The following CLEC4A variants were observed in gnomAD, a reference collection of about 807,000 sequenced individuals.
CLEC4A encodes the protein C-type (calcium dependent, carbohydrate-recognition domain) lectin, superfamily member 6.
In CLEC4A, 27 loss-of-function variants were observed where a neutral mutation model predicts 32.7. The ratio of observed to expected loss-of-function variants is 0.83; its 90% CI spans 0.61 to 1.14. The LOEUF (loss-of-function observed/expected upper bound fraction) is 1.14. Ranked by LOEUF, CLEC4A falls within the 50% of genes most tolerant of loss-of-function variation. The pLI, the probability that CLEC4A is intolerant of heterozygous loss-of-function variation, is 0.00. For missense variants in CLEC4A, 253 were observed against 274.6 expected (o/e 0.92, Z 0.55); for synonymous variants, 89 against 93.7 (o/e 0.95, Z 0.29).
the CLEC4A span, among the ~76,000 whole-genome samples, chr12:8,114,305 C>A: frequency 1.4e-4 from 21 of 147,918 alleles, no homozygotes; most frequent in Non-Finnish European, 2.0e-4. Flanking sequence ...AGTGCAGTGG[C>A]GTGATCTCGG....
the CLEC4A span, among the ~76,000 whole-genome samples, chr12:8,116,552 G>C: frequency 6.6e-6 from 1 of 152,188 alleles, no homozygotes; most frequent in Admixed American, 6.5e-5. Context: ...CAAGATGAGT[G>C]ATTTAAATCA....
At chr12:8,118,799 G>T (rs1947809019), upstream of CLEC4A, among the ~76,000 whole-genome samples, 1 of 152,180 alleles carries the variant, frequency 6.6e-6, no homozygotes. Context: ...CCAGTGTGAT[G>T]ATATTAAGAG....
At chr12:8,128,644 G>T (rs1350684762) in intron 2 of CLEC4A, among the ~76,000 whole-genome samples, 1 of 152,022 alleles carries the variant, frequency 6.6e-6, no homozygotes, top group African/African-American at 2.4e-5. Context: ...CTCCTGACCT[G>T]CCTCGACCTC....
At chr12:8,127,807 C>T (rs1195606869) in intron 2 of CLEC4A, among the ~76,000 whole-genome samples, 1 of 152,178 alleles carries the variant, frequency 6.6e-6, no homozygotes, top group Non-Finnish European at 1.5e-5. Context: ...TAAAGTATGG[C>T]TCCAATATTC....
At chr12:8,108,482 T>C in the CLEC4A span, among the ~76,000 whole-genome samples, 3 of 152,206 alleles carry the variant, frequency 2.0e-5, no homozygotes, top group Non-Finnish European at 4.4e-5. Context: ...GAAATACATA[T>C]GTGACTATAG....
At chr12:8,114,514 G>T in the CLEC4A span, among the ~76,000 whole-genome samples, 1 of 152,174 alleles carries the variant, frequency 6.6e-6, no homozygotes, top group African/African-American at 2.4e-5. Flanking sequence ...AAAGTGCTGG[G>T]ATTACAGGCG....
chr12:8,112,032 A>C, the CLEC4A span, among the ~76,000 whole-genome samples: 4 of 151,532 alleles, frequency 2.6e-5, no homozygotes, highest in Admixed American at 2.6e-4. Context: ...GCAATGGTGC[A>C]ATCTCTGCTC....
the CLEC4A span, among the ~76,000 whole-genome samples, chr12:8,104,265 C>T: frequency 6.6e-6 from 1 of 151,792 alleles, no homozygotes; most frequent in Non-Finnish European, 1.5e-5. Context: ...AATACTTGGT[C>T]TTACCTTGAA....
chr12:8,109,722 A>AT, the CLEC4A span, among the ~76,000 whole-genome samples: 2 of 152,134 alleles, frequency 1.3e-5, no homozygotes, highest in Non-Finnish European at 2.9e-5. Context: ...GTCTCTAAAA[A>AT]ATATATAAAG....
rs1038712714 is a variant in CLEC4A at position 8,128,600 on chromosome 12, G to A, written c.200-664G>A. ...TGATTTTTGTACTTTGAGTAGAGAC[G>A]AGGTTTCACCATCTTGGCCAGGCTA... On this transcript the variant is annotated intron_variant, in intron 2 of 5. Transcript: ENST00000229332. Among the ~76,000 whole-genome samples, 9 of 151,972 alleles carry A rather than the reference G, an allele frequency of 5.9e-5. No individual in the cohort carries two copies. The East Asian group carries it at 1.2e-3, about 20-fold the overall frequency.
the CLEC4A span, among the ~76,000 whole-genome samples, chr12:8,103,371 C>CTTTTTT: frequency 1.2e-4 from 6 of 49,028 alleles, 2 homozygotes; most frequent in East Asian, 8.3e-4. Context: ...TTGTTTCTTT[C>CTTTTTT]TGTTGTTTTT....
chr12:8,136,533 C>T (rs965415056), intron 4 of CLEC4A, among the ~76,000 whole-genome samples: 1 of 145,690 alleles, frequency 6.9e-6, no homozygotes, highest in African/African-American at 2.6e-5. Flanking sequence ...CACTGCACTC[C>T]AGCCTGGGAC....
intron 4 of CLEC4A, among the ~76,000 whole-genome samples, chr12:8,136,335 C>T (rs777669486): frequency 5.3e-5 from 8 of 152,228 alleles, no homozygotes; most frequent in Admixed American, 6.5e-5. Context: ...GAGGCCAAGG[C>T]GGGCGGATCA....
At chr12:8,124,814 T>G (rs955498239) in intron 1 of CLEC4A, among the ~76,000 whole-genome samples, 5 of 152,358 alleles carry the variant, frequency 3.3e-5, no homozygotes, top group Middle Eastern at 6.8e-3. Flanking sequence ...GGTACACAGA[T>G]ATTTGAATTA....
chr12:8,138,354 C>A lies in CLEC4A; in HGVS notation c.*67C>A. 1 of 1,562,846 alleles carries A rather than the reference C, an allele frequency of 6.4e-7. No homozygotes were observed. The highest frequency in any genetic ancestry group is 1.2e-5 in the South Asian group (1 of 86,792). ...TCATTGTAGGGATAGATAATAAGCT[C>A]TTCTTATTCATGTGTAAGGGAGGTC... On this transcript the variant is annotated 3_prime_UTR_variant, in exon 6 of 6. Transcript: ENST00000229332.
At chr12:8,109,181 A>G in the CLEC4A span, among the ~76,000 whole-genome samples, 1 of 152,222 alleles carries the variant, frequency 6.6e-6, no homozygotes, top group East Asian at 1.9e-4. Context: ...AGTCTGGTCT[A>G]AGCCTGTAAC....
At chr12:8,122,854 T>C (rs535932365), upstream of CLEC4A, among the ~76,000 whole-genome samples, 3 of 152,096 alleles carry the variant, frequency 2.0e-5, no homozygotes, top group East Asian at 3.9e-4. Flanking sequence ...ATGTGTGTTA[T>C]GCAGGAGAAG....
intron 5 of CLEC4A, 138 bp from the exon 6 acceptor site, chr12:8,138,002 G>C (rs939928249): frequency 2.2e-5 from 19 of 874,820 alleles, no homozygotes; most frequent in African/African-American, 3.4e-5. Context: ...GAAGCTGCAT[G>C]ATGAGTAGCA....
the CLEC4A span, among the ~76,000 whole-genome samples, chr12:8,110,967 A>G: frequency 3.3e-5 from 5 of 151,248 alleles, no homozygotes; most frequent in African/African-American, 7.3e-5. Context: ...TCCGTCTCCC[A>G]GGTTCACACC....
Sources: gnomAD v4.1 joint callset for allele counts (sites outside exome capture counted in the v4.1 genomes callset) on GRCh38, gnomAD v4.1.1 for gene constraint, MANE v1.5 for transcripts, NCBI Gene and HGNC (gene_info 2026-07-23, HGNC 2026-07-21) for gene names.